The following FAM135B variants were observed in gnomAD, a reference collection of about 807,000 sequenced individuals.
FAM135B encodes protein FAM135B.
FAM135B carries 43 observed loss-of-function variants against 127.7 expected under a neutral mutation model. That is an observed-to-expected ratio of 0.34 (90% CI 0.26 to 0.43). The LOEUF (loss-of-function observed/expected upper bound fraction) is 0.43. Among genes scored for constraint, FAM135B ranks in the 20% least tolerant of loss-of-function variants. The probability of loss-of-function intolerance (pLI) is 1.00; values close to 1 mark genes in which losing one functional copy is unlikely to be tolerated. For synonymous variants in FAM135B, 670 were observed against 665.1 expected (o/e 1.01, Z -0.11); for missense variants, 1,558 against 1,725.6 (o/e 0.90, Z 1.72).
intron 1 of FAM135B, among the ~76,000 whole-genome samples, chr8:138,409,992 C>T (rs1249539627): frequency 6.6e-6 from 1 of 152,030 alleles, no homozygotes; most frequent in Non-Finnish European, 1.5e-5. Flanking sequence ...GCTTCAGGGC[C>T]CACATTCTAA....
intron 3 of FAM135B, among the ~76,000 whole-genome samples, chr8:138,309,869 T>C (rs1826542726): frequency 1.4e-5 from 2 of 146,614 alleles, no homozygotes; most frequent in African/African-American, 5.1e-5. Flanking sequence ...TTTTTTTTTT[T>C]TTTTTTTTTT....
intron 1 of FAM135B, among the ~76,000 whole-genome samples, chr8:138,402,563 C>T (rs1382339680): frequency 6.6e-6 from 1 of 152,134 alleles, no homozygotes; most frequent in Non-Finnish European, 1.5e-5. Flanking sequence ...TACATTAACT[C>T]ACCTCTATGC....
intron 2 of FAM135B, among the ~76,000 whole-genome samples, chr8:138,351,490 G>C (rs1213742621): frequency 6.6e-6 from 1 of 152,058 alleles, no homozygotes; most frequent in Non-Finnish European, 1.5e-5. Flanking sequence ...CAGAAGCCAG[G>C]ATAAAGGCAT....
chr8:138,333,178 C>T (rs955798290), intron 2 of FAM135B, among the ~76,000 whole-genome samples: 1 of 152,126 alleles, frequency 6.6e-6, no homozygotes, highest in Non-Finnish European at 1.5e-5. Context: ...GCCTCAAAAC[C>T]AATTCATGCA....
In FAM135B at chr8:138,497,219, C is replaced by T. The variant is rs1257838762; in HGVS notation, c.-568G>A. ...CGCCCTGCTGCTCCCGCTGGCTCCG[C>T]TCCGCAGCCGCTGCGCACCGCGTGG... On this transcript the variant is annotated 5_prime_UTR_variant, in exon 1 of 20. Coordinates refer to ENST00000395297, the MANE Select transcript of FAM135B (RefSeq NM_015912.4). 1.3e-5 allele frequency among the ~76,000 whole-genome samples: 2 copies of T among 150,814 alleles called. No individual in the cohort carries two copies. The highest frequency in any genetic ancestry group is 2.4e-5 in the African/African-American group (1 of 41,262).
intron 1 of FAM135B, among the ~76,000 whole-genome samples, chr8:138,387,216 T>C (rs1213173082): frequency 1.3e-5 from 2 of 152,032 alleles, no homozygotes. Flanking sequence ...GTTGGCTGAG[T>C]AGGGAGGGAA....
chr8:138,362,283 C>CT (rs34005300), intron 2 of FAM135B, among the ~76,000 whole-genome samples: 56,995 of 98,856 alleles, frequency 0.58, 15,103 homozygotes, highest in Non-Finnish European at 0.7. Flanking sequence ...ACCCCCATAT[C>CT]TTTTTTTTTT....
intron 1 of FAM135B, among the ~76,000 whole-genome samples, chr8:138,465,732 T>C (rs1564024280): frequency 6.6e-6 from 1 of 151,374 alleles, no homozygotes. Flanking sequence ...CATCTCATGT[T>C]CACCTGGCTG....
At chr8:138,225,489 CAA>C (rs2130113676) in intron 7 of FAM135B, among the ~76,000 whole-genome samples, 1 of 150,858 alleles carries the variant, frequency 6.6e-6, no homozygotes, top group South Asian at 2.1e-4. Context: ...AAAACAAAAA[CAA>C]AGAAGAAAAA....
intron 1 of FAM135B, among the ~76,000 whole-genome samples, chr8:138,443,469 CA>C (rs899923293): frequency 3.3e-5 from 5 of 151,460 alleles, no homozygotes; most frequent in East Asian, 3.9e-4. Flanking sequence ...CAAAAGCAAA[CA>C]AAAAAAAGGA....
Position 138,132,486 on chromosome 8 carries a change from A to T in FAM135B, c.*107T>A, listed in dbSNP as rs1037068552. On this transcript the variant is annotated 3_prime_UTR_variant, in exon 20 of 20. Coordinates refer to ENST00000395297, the MANE Select transcript of FAM135B (RefSeq NM_015912.4). The surrounding 1 kb of genome is among the most constrained non-coding windows in gnomAD (Gnocchi z 4.5). The stretch of plus-strand genomic sequence containing the variant: ...GTTCCACCCGAGCCTCCGTCCCCCA[A>T]TGCTGTTGAAGCTTCATTCTGAAAT... The T allele has an allele frequency of 7.5e-6, 7 of 928,360 alleles. No individual in the cohort carries two copies. In the East Asian group the frequency reaches 9.7e-5, roughly 13 times the overall value. The allele number at this position is 928,360 out of a possible 1,614,324, so 57.5% of individuals were successfully genotyped here.
chr8:138,253,505 T>C (rs892456151), intron 5 of FAM135B, among the ~76,000 whole-genome samples: 5 of 152,136 alleles, frequency 3.3e-5, no homozygotes, highest in Non-Finnish European at 5.9e-5. Context: ...AGTGTGACAA[T>C]CCTGTCTGCT....
rs2130370942 is a variant in FAM135B, at chr8:138,242,387, T to C, written c.669+555A>G. On this transcript the variant is annotated intron_variant, in intron 7 of 19. Transcript: ENST00000395297. This position sits in a 1 kb window ranked among gnomAD's most constrained non-coding sequence, Gnocchi z 9.6. ...CTGCACATCACAGAAGAGCAGGGGA[T>C]GTTTCCTAGGATAAAAGAACAAGGG... 6.6e-6 allele frequency among the ~76,000 whole-genome samples: 1 copy of C among 152,192 alleles called. No individual in the cohort carries two copies. Among genetic ancestry groups the C allele is most frequent in the South Asian group, 2.1e-4 (1 of 4,822 alleles).
At chr8:138,397,849 T>TAAGG in intron 1 of FAM135B, among the ~76,000 whole-genome samples, 1 of 152,110 alleles carries the variant, frequency 6.6e-6, no homozygotes, top group Admixed American at 6.5e-5. Flanking sequence ...ATCCCTTCCT[T>TAAGG]GCCCAGGGCA....
At chr8:138,351,854 T>G (rs1829807694) in intron 2 of FAM135B, among the ~76,000 whole-genome samples, 1 of 152,138 alleles carries the variant, frequency 6.6e-6, no homozygotes, top group Admixed American at 6.5e-5. Flanking sequence ...CATGCCCAGC[T>G]AATTTTTGTA....
At chr8:138,405,201 TTC>T (rs1491202596) in intron 1 of FAM135B, among the ~76,000 whole-genome samples, 1 of 146,658 alleles carries the variant, frequency 6.8e-6, no homozygotes, top group Admixed American at 6.8e-5. Flanking sequence ...AGTAGTAATA[TTC>T]TTTTTTTTTC....
At chr8:138,208,425 C>T (rs1817877604) in intron 7 of FAM135B, among the ~76,000 whole-genome samples, 1 of 152,152 alleles carries the variant, frequency 6.6e-6, no homozygotes. Flanking sequence ...TCATAGTTTT[C>T]ATTTCTTATT....
chr8:138,150,670 AAATAAAT>A (rs1563687945), intron 13 of FAM135B, among the ~76,000 whole-genome samples: 8 of 151,528 alleles, frequency 5.3e-5, no homozygotes, highest in African/African-American at 1.2e-4. Context: ...CTGTCTCAAT[AAATAAAT>A]AAATAAATAA....
At chr8:138,183,656 A>G (rs1053284089) in intron 9 of FAM135B, among the ~76,000 whole-genome samples, 1 of 152,172 alleles carries the variant, frequency 6.6e-6, no homozygotes, top group Non-Finnish European at 1.5e-5. Context: ...ATGTTCAAGG[A>G]TTTTTATAAC....
Sources: gnomAD v4.1 joint callset for allele counts (sites outside exome capture counted in the v4.1 genomes callset) on GRCh38, gnomAD v4.1.1 for gene constraint, Gnocchi (gnomAD v3.1) non-coding constraint, MANE v1.5 for transcripts, NCBI Gene and HGNC (gene_info 2026-07-23, HGNC 2026-07-21) for gene names.